The following SCYL3 variants were observed in gnomAD, a reference collection of about 807,000 sequenced individuals.
SCYL3 encodes the protein SCY1 like pseudokinase 3.
In SCYL3, 35 loss-of-function variants were observed where a neutral mutation model predicts 73.8. That is an observed-to-expected ratio of 0.47 (90% CI 0.36 to 0.63). The LOEUF is 0.63. Ranked by LOEUF, SCYL3 falls within the 20% of genes least tolerant of loss-of-function variation. SCYL3 has a pLI of 0.00. For missense variants in SCYL3, 712 were observed against 798.9 expected (o/e 0.89, Z 1.31); for synonymous variants, 277 against 295.2 (o/e 0.94, Z 0.63).
At chr1:169,876,687 G>A (rs1479997112) in intron 3 of SCYL3, among the ~76,000 whole-genome samples, 1 of 152,052 alleles carries the variant, frequency 6.6e-6, no homozygotes, top group East Asian at 1.9e-4. Context: ...CAGGTGCAGT[G>A]GCTCACGCCT....
intron 12 of SCYL3, 109 bp downstream of exon 12, chr1:169,854,161 C>CTTGACTT (rs1658876112): frequency 3.4e-6 from 3 of 882,868 alleles, no homozygotes; most frequent in Admixed American, 6.2e-5. Context: ...TTGTGCTTGA[C>CTTGACTT]TTGACTAGGA....
rs542001058 is a variant in SCYL3, at chr1:169,888,335, T to C, written c.165+341A>G. On this transcript the variant is annotated intron_variant, in intron 2 of 12. Transcript: ENST00000367771. ...CTCCAGAATGATGTCAATACTTAAC[T>C]GCATTTTGCTAGACGAGATTAACTC... Among the ~76,000 whole-genome samples, 33 of 152,368 alleles carry C rather than the reference T, an allele frequency of 2.2e-4. No homozygotes were observed. In the South Asian group the frequency reaches 2.7e-3, roughly 12 times the overall value.
intron 3 of SCYL3, 46 bp from the exon 4 acceptor site, chr1:169,876,137 GA>G (rs1233248279): frequency 9.0e-7 from 1 of 1,114,564 alleles, no homozygotes; most frequent in African/African-American, 1.6e-5. Context: ...TCCAGGATCT[GA>G]AATAGAAATT....
Position 169,868,915 on chromosome 1 carries a change from C to T in SCYL3, c.737+13G>A, listed in dbSNP as rs1257019138. ...CCGGAAGCAGCTGGCGTCACCACAC[C>T]AGATGCCCTCACCTGAAGAAGTCAT... On this transcript the variant is annotated intron_variant, in intron 7 of 12. Coordinates refer to ENST00000367771, the MANE Select transcript of SCYL3 (RefSeq NM_020423.7). The T allele has an allele frequency of 6.3e-7, 1 of 1,599,850 alleles. No homozygotes were observed. Among genetic ancestry groups the T allele is most frequent in the African/African-American group, 1.3e-5 (1 of 74,772 alleles).
intron 5 of SCYL3, 134 bp from the exon 6 acceptor site, chr1:169,870,491 T>C (rs1660316900): frequency 4.7e-6 from 3 of 636,302 alleles, no homozygotes; most frequent in African/African-American, 1.9e-5. Context: ...CATGAATGTA[T>C]AGATTCTTAA....
In SCYL3 at chr1:169,854,622, A is replaced by T. The variant is rs1261993803; in HGVS notation, c.1655T>A (p.Leu552His). ...AGGCATAGACTCTTCAGTGAGTGAAAGCAAAGCAGGAATAGGCTTCTGCTC... is the reference window on the plus strand; with the variant it reads ...AGGCATAGACTCTTCAGTGAGTGAATGCAAAGCAGGAATAGGCTTCTGCTC... ...SGEQKPIPAL[L>H]SLTEESMPWK... Residue 552 changes from leucine (L) to histidine (H), a missense_variant, in exon 12 of 13, where the codon CTT becomes CAT. Transcript: ENST00000367771. 6.2e-7 allele frequency: 1 copy of T among 1,614,068 alleles called. No homozygotes were observed. Among genetic ancestry groups the T allele is most frequent in the Non-Finnish European group, 8.5e-7 (1 of 1,179,974 alleles).
chr1:169,867,461 G>A (rs1660111055), intron 7 of SCYL3, among the ~76,000 whole-genome samples: 4 of 152,146 alleles, frequency 2.6e-5, no homozygotes, highest in Admixed American at 2.6e-4. Context: ...AGTGTGAGAG[G>A]AGTGGTCGGT....
At chr1:169,860,425 A>G (rs1012636803) in intron 10 of SCYL3, among the ~76,000 whole-genome samples, 1 of 152,224 alleles carries the variant, frequency 6.6e-6, no homozygotes, top group Non-Finnish European at 1.5e-5. Context: ...TGGCCTGCCT[A>G]CTGGAAGCAG....
At chr1:169,867,298 ACATTAC>A (rs1484285814) in intron 7 of SCYL3, among the ~76,000 whole-genome samples, 1 of 152,264 alleles carries the variant, frequency 6.6e-6, no homozygotes, top group Admixed American at 6.5e-5. Context: ...GGGAGAAATG[ACATTAC>A]CATTACAAAA....
chr1:169,888,856 G>A lies in SCYL3; in HGVS notation c.-16C>T. Reference sequence around the variant, plus strand: ...CTGATCCCATCCCTTATGCAGTGAGGCAGTACTGCCACTCTTCCTCAAAGC... The same window carrying A: ...CTGATCCCATCCCTTATGCAGTGAGACAGTACTGCCACTCTTCCTCAAAGC... On this transcript the variant is annotated 5_prime_UTR_variant, in exon 2 of 13. Transcript: ENST00000367771. 6.4e-7 allele frequency: 1 copy of A among 1,572,314 alleles called. No individual in the cohort carries two copies. Among genetic ancestry groups the A allele is most frequent in the Non-Finnish European group, 8.6e-7 (1 of 1,158,280 alleles).
intron 8 of SCYL3, among the ~76,000 whole-genome samples, chr1:169,865,523 T>G (rs1301478462): frequency 6.6e-6 from 1 of 152,146 alleles, no homozygotes; most frequent in Non-Finnish European, 1.5e-5. Context: ...CCAACTTGAT[T>G]GCAGCTTCAA....
rs2102116359 is a variant in SCYL3, at chr1:169,853,558, C to G, written c.*155G>C. ...CTTTTAGCCAGCACTCACAGTCAGT[C>G]TCCTACTTCAGTTGGCACAGACTGG... On this transcript the variant is annotated 3_prime_UTR_variant, in exon 13 of 13. Transcript: ENST00000367771. 1.4e-6 allele frequency: 1 copy of G among 739,390 alleles called. No homozygotes were observed. Among genetic ancestry groups the G allele is most frequent in the South Asian group, 1.8e-5 (1 of 55,214 alleles). The allele number at this position is 739,390 out of a possible 1,614,324, so 45.8% of individuals were successfully genotyped here.
intron 1 of SCYL3, among the ~76,000 whole-genome samples, chr1:169,892,989 T>C (rs1334512070): frequency 2.0e-5 from 3 of 152,208 alleles, no homozygotes; most frequent in Non-Finnish European, 2.9e-5. Flanking sequence ...ACTCCGGCCC[T>C]TGCTTTCGTG....
intron 11 of SCYL3, chr1:169,855,829 G>GT: frequency 6.2e-7 from 1 of 1,613,850 alleles, no homozygotes; most frequent in Non-Finnish European, 8.5e-7. Context: ...TAATCTCGCT[G>GT]TATGTGCTTC....
intron 8 of SCYL3, among the ~76,000 whole-genome samples, chr1:169,865,458 C>G (rs1342159860): frequency 6.6e-6 from 1 of 152,196 alleles, no homozygotes; most frequent in African/African-American, 2.4e-5. Flanking sequence ...CCACCCCCAT[C>G]CAGCCACTGC....
rs76988021 is a variant in SCYL3, at chr1:169,852,999, A to G, written c.*714T>C. 5.0e-6 allele frequency: 8 copies of G among 1,613,056 alleles called. No individual in the cohort carries two copies. The Admixed American group carries it at 6.7e-5, about 13-fold the overall frequency. ...ATACTCTAGGGTGAAACTTATCACT[A>G]GGCAGAACTGGGTTTGATGCTTTGT... On this transcript the variant is annotated 3_prime_UTR_variant, in exon 13 of 13. Transcript: ENST00000367771.
At chr1:169,881,758 C>G (rs1361961619) in intron 2 of SCYL3, among the ~76,000 whole-genome samples, 1 of 152,158 alleles carries the variant, frequency 6.6e-6, no homozygotes, top group Non-Finnish European at 1.5e-5. Context: ...CACCAGGGAC[C>G]AGTTTCATGA....
chr1:169,891,447 A>C (rs896219748), intron 1 of SCYL3, among the ~76,000 whole-genome samples: 8 of 152,168 alleles, frequency 5.3e-5, no homozygotes, highest in African/African-American at 1.4e-4. Flanking sequence ...TTTGAAACTA[A>C]TTGCCATTTC....
intron 2 of SCYL3, among the ~76,000 whole-genome samples, chr1:169,880,960 CCAT>C (rs1255309125): frequency 1.3e-5 from 2 of 152,122 alleles, no homozygotes; most frequent in Non-Finnish European, 2.9e-5. Flanking sequence ...CAGGGTTTCA[CCAT>C]GTTGGCCAGG....
Sources: gnomAD v4.1 joint callset for allele counts (sites outside exome capture counted in the v4.1 genomes callset) on GRCh38, gnomAD v4.1.1 for gene constraint, MANE v1.5 for transcripts, NCBI Gene and HGNC (gene_info 2026-07-23, HGNC 2026-07-21) for gene names.